Variants in THSD4 observed in about 807,000 individuals in gnomAD.
THSD4 encodes the protein thrombospondin type 1 domain containing 4.
Under a neutral mutation model 119.0 loss-of-function variants are expected in THSD4, and 69 were observed. That is an observed-to-expected ratio of 0.58 (90% CI 0.48 to 0.71). The LOEUF is 0.71. Among genes scored for constraint, THSD4 ranks in the 30% least tolerant of loss-of-function variants. The probability of loss-of-function intolerance (pLI) is 0.00; values close to 1 mark genes in which losing one functional copy is unlikely to be tolerated. For missense variants in THSD4, 1,393 were observed against 1,391.1 expected (o/e 1.00, Z -0.02); for synonymous variants, 524 against 540.4 (o/e 0.97, Z 0.42).
chr15:71,695,752 C>T (rs1281389116), intron 8 of THSD4, among the ~76,000 whole-genome samples: 1 of 152,098 alleles, frequency 6.6e-6, no homozygotes, highest in Non-Finnish European at 1.5e-5. Context: ...GAGAAGAATA[C>T]CTTCAGAATC....
intron 1 of THSD4, among the ~76,000 whole-genome samples, chr15:71,124,931 T>A (rs1411073536): frequency 6.6e-6 from 1 of 151,946 alleles, no homozygotes; most frequent in Non-Finnish European, 1.5e-5. Context: ...TGGTCCCAGC[T>A]GGTGGTGTGC....
At chr15:71,210,536 A>T (rs892546143) in intron 3 of THSD4, among the ~76,000 whole-genome samples, 1 of 152,114 alleles carries the variant, frequency 6.6e-6, no homozygotes, top group Non-Finnish European at 1.5e-5. Context: ...TGGTGGGAAA[A>T]GATTTTCTAG....
chr15:71,377,439 A>G (rs971526616), intron 6 of THSD4, among the ~76,000 whole-genome samples: 2 of 152,122 alleles, frequency 1.3e-5, no homozygotes, highest in African/African-American at 2.4e-5. Context: ...ACTCTGAGCC[A>G]TGACCCTTGG....
intron 7 of THSD4, among the ~76,000 whole-genome samples, chr15:71,541,193 C>T (rs2048755201): frequency 6.6e-6 from 1 of 151,710 alleles, no homozygotes; most frequent in Non-Finnish European, 1.5e-5. Flanking sequence ...TTTTTTTAAC[C>T]CAACATATTC....
intron 15 of THSD4, among the ~76,000 whole-genome samples, chr15:71,762,220 C>G (rs1379218105): frequency 6.6e-6 from 1 of 152,086 alleles, no homozygotes; most frequent in Non-Finnish European, 1.5e-5. Context: ...CATTCACTTT[C>G]CAGACGCACA....
chr15:71,682,875 TCTTTCTTTCTTTCTTTCTTTCTTTCTTTC>T (rs2051816792), intron 8 of THSD4, among the ~76,000 whole-genome samples: 4 of 18,876 alleles, frequency 2.1e-4, no homozygotes, highest in Admixed American at 7.4e-4. Flanking sequence ...TTTCTTTCTT[TCTTTCTTTCTTTCTTTCTTTCTTTCTTTC>T]TTTCTTCTTC....
At chr15:71,250,761 C>T (rs1172292986) in intron 5 of THSD4, among the ~76,000 whole-genome samples, 1 of 151,944 alleles carries the variant, frequency 6.6e-6, no homozygotes, top group African/African-American at 2.4e-5. Flanking sequence ...TTGAAATAGG[C>T]CTAGATTTGA....
At chr15:71,567,528 G>C (rs1419362842) in intron 7 of THSD4, among the ~76,000 whole-genome samples, 1 of 152,030 alleles carries the variant, frequency 6.6e-6, no homozygotes, top group Admixed American at 6.6e-5. Context: ...TTCATTGTTA[G>C]TTGAGTACCG....
At chr15:71,727,800 A>G (rs1056249796) in intron 8 of THSD4, among the ~76,000 whole-genome samples, 2 of 149,428 alleles carry the variant, frequency 1.3e-5, no homozygotes, top group Non-Finnish European at 3.0e-5. Context: ...GGGAGGGGAG[A>G]AAAAATTGGA....
chr15:71,371,950 C>T (rs1461550183), intron 6 of THSD4, among the ~76,000 whole-genome samples: 1 of 152,144 alleles, frequency 6.6e-6, no homozygotes, highest in Non-Finnish European at 1.5e-5. Context: ...TCACATAGTC[C>T]CATATTTCTT....
chr15:71,148,693 A>G (rs2040689510), intron 2 of THSD4, among the ~76,000 whole-genome samples: 1 of 152,202 alleles, frequency 6.6e-6, no homozygotes, highest in African/African-American at 2.4e-5. Context: ...CCCACCTCAT[A>G]CAGAGTGAGG....
intron 7 of THSD4, among the ~76,000 whole-genome samples, chr15:71,581,034 G>A (rs542068128): frequency 6.6e-6 from 1 of 152,178 alleles, no homozygotes; most frequent in African/African-American, 2.4e-5. Flanking sequence ...GAGTGCAGAT[G>A]ACTCTTCAAG....
intron 1 of THSD4, among the ~76,000 whole-genome samples, chr15:71,105,605 T>G (rs777803317): frequency 6.6e-6 from 1 of 152,188 alleles, no homozygotes; most frequent in Non-Finnish European, 1.5e-5. Flanking sequence ...AAAGGACACC[T>G]CATGACTGAG....
chr15:71,339,485 C>T lies in THSD4; in HGVS notation c.1016-72202C>T, dbSNP rs142199081. Among the ~76,000 whole-genome samples, 210 of 152,206 alleles carry T rather than the reference C, an allele frequency of 1.4e-3. 1 individual carries two copies. Among genetic ancestry groups the T allele is most frequent in the African/African-American group, 4.4e-3 (184 of 41,540 alleles). Reference sequence around the variant, plus strand: ...TTATATTTTTTTACTTGCCTTGTCACTCTCTAACAATATAACCTCATTAAA... The same window carrying T: ...TTATATTTTTTTACTTGCCTTGTCATTCTCTAACAATATAACCTCATTAAA... On this transcript the variant is annotated intron_variant, in intron 6 of 17. Coordinates refer to ENST00000261862, the MANE Select transcript of THSD4 (RefSeq NM_024817.3).
chr15:71,512,155 T>G (rs1478509010), intron 7 of THSD4, among the ~76,000 whole-genome samples: 1 of 152,140 alleles, frequency 6.6e-6, no homozygotes, highest in African/African-American at 2.4e-5. Context: ...ATGCCTAATG[T>G]GTTCTTCTTT....
chr15:71,241,728 T>C (rs1046556989), intron 4 of THSD4, among the ~76,000 whole-genome samples: 1 of 152,114 alleles, frequency 6.6e-6, no homozygotes, highest in Non-Finnish European at 1.5e-5. Context: ...TACCCTGTCC[T>C]GCCCACGTCC....
At chr15:71,527,040 G>A (rs900795210) in intron 7 of THSD4, among the ~76,000 whole-genome samples, 1 of 152,162 alleles carries the variant, frequency 6.6e-6, no homozygotes, top group Non-Finnish European at 1.5e-5. Flanking sequence ...TTTAGGAGGT[G>A]ATTAGGTCAT....
intron 7 of THSD4, among the ~76,000 whole-genome samples, chr15:71,597,030 T>G (rs1487933208): frequency 2.0e-5 from 3 of 152,196 alleles, no homozygotes; most frequent in South Asian, 2.1e-4. Context: ...TAGATTTCAC[T>G]TTTTTCTGTC....
At chr15:71,451,234 A>C (rs1316101842) in intron 7 of THSD4, among the ~76,000 whole-genome samples, 1 of 152,182 alleles carries the variant, frequency 6.6e-6, no homozygotes, top group Non-Finnish European at 1.5e-5. Context: ...TGGGAGGGTG[A>C]GTCAGGGAAC....
Sources: gnomAD v4.1 joint callset for allele counts (sites outside exome capture counted in the v4.1 genomes callset) on GRCh38, gnomAD v4.1.1 for gene constraint, MANE v1.5 for transcripts, NCBI Gene and HGNC (gene_info 2026-07-23, HGNC 2026-07-21) for gene names.